KCNAB1: variants seen among roughly 807,000 people sequenced by gnomAD.
KCNAB1 encodes voltage-gated potassium channel subunit beta-1.
A neutral mutation model predicts 64.6 loss-of-function variants in KCNAB1; 35 were observed. That is an observed-to-expected ratio of 0.54 (90% CI 0.41 to 0.72). The LOEUF (loss-of-function observed/expected upper bound fraction) is 0.72, where lower values mean the gene tolerates loss of function less well. Among genes scored for constraint, KCNAB1 ranks in the 30% least tolerant of loss-of-function variants. The pLI, the probability that KCNAB1 is intolerant of heterozygous loss-of-function variation, is 0.00. For synonymous variants in KCNAB1, 177 were observed against 183.8 expected, an observed-to-expected ratio of 0.96 and a Z score of 0.30; for missense variants, 401 against 512.9, an observed-to-expected ratio of 0.78 and a Z score of 2.11.
At position 156,170,273 on chromosome 3, in the gene KCNAB1, C is replaced by T. The variant is rs138996072; in HGVS notation, c.275+49387C>T. On this transcript the variant is annotated intron_variant, in intron 1 of 13. Coordinates refer to ENST00000490337, the MANE Select transcript of KCNAB1 (RefSeq NM_172160.3). ...ACATTTCCCTGAAAATGTGGCTTTA[C>T]CTATTCTTATGGTTTTATGAAGTCA... is the stretch of plus-strand genomic sequence containing the variant. 6.3e-5 allele frequency among the ~76,000 whole-genome samples: 9 copies of T among 143,538 alleles called. No individual in the cohort carries two copies. In the South Asian group the frequency reaches 1.3e-3, roughly 20 times the overall value. The allele number at this position is 143,538 out of a possible 152,430, so 94.2% of individuals were successfully genotyped here.
chr3:156,492,197 G>T (rs1161177682), intron 8 of KCNAB1, among the ~76,000 whole-genome samples: 1 of 152,028 alleles, frequency 6.6e-6, no homozygotes, highest in Admixed American at 6.6e-5. Flanking sequence ...TGAATTGAGC[G>T]TTTCTTTCTT....
chr3:156,443,767 C>CAT lies in KCNAB1; in HGVS notation c.320-9131_320-9130insTA, dbSNP rs551944251. Among the ~76,000 whole-genome samples the CAT allele has an allele frequency of 7.5e-3, 1,139 of 151,618 alleles. 17 individuals carry two copies. Among genetic ancestry groups the CAT allele is most frequent in the African/African-American group, 0.027 (1,096 of 41,134 alleles). On this transcript the variant is annotated intron_variant, in intron 2 of 13. Coordinates refer to ENST00000490337, the MANE Select transcript of KCNAB1 (RefSeq NM_172160.3). ...ACACACACACACACACACACACACACACACACACACACACTATTCTTTACT... is the reference window on the plus strand; with the variant it reads ...ACACACACACACACACACACACACACATACACACACACACACTATTCTTTACT...
intron 8 of KCNAB1, among the ~76,000 whole-genome samples, chr3:156,476,564 T>TACAC (rs71141710): frequency 6.7e-6 from 1 of 149,842 alleles, no homozygotes; most frequent in Non-Finnish European, 1.5e-5. Flanking sequence ...CACACACATA[T>TACAC]ACACACACAC....
At chr3:156,441,370 A>G (rs1393258570) in intron 2 of KCNAB1, 1 of 152,176 alleles carries the variant, frequency 6.6e-6, no homozygotes, top group Non-Finnish European at 1.5e-5. Flanking sequence ...AAGAGGACAC[A>G]TTGACTTTCA....
chr3:156,391,523 A>G (rs986334088), intron 1 of KCNAB1, among the ~76,000 whole-genome samples: 1 of 152,220 alleles, frequency 6.6e-6, no homozygotes, highest in Non-Finnish European at 1.5e-5. Flanking sequence ...CCTAAATTTC[A>G]GGAAAGTGCT....
intron 1 of KCNAB1, among the ~76,000 whole-genome samples, chr3:156,255,505 C>G (rs1309694038): frequency 1.3e-5 from 2 of 152,140 alleles, no homozygotes; most frequent in Non-Finnish European, 2.9e-5. Context: ...GTTTTTCCTG[C>G]TTTGACCCGA....
chr3:156,249,056 T>A (rs191031033), intron 1 of KCNAB1, among the ~76,000 whole-genome samples: 21 of 152,160 alleles, frequency 1.4e-4, no homozygotes, highest in East Asian at 7.7e-4. Context: ...TTAATTTTTT[T>A]ATTTTTTAGC....
chr3:156,302,363 A>G (rs1336397122), intron 1 of KCNAB1, among the ~76,000 whole-genome samples: 1 of 152,172 alleles, frequency 6.6e-6, no homozygotes. Flanking sequence ...GACGTCTTTC[A>G]TGGGCCAGTA....
chr3:156,251,169 G>C (rs1033086690), intron 1 of KCNAB1, among the ~76,000 whole-genome samples: 1 of 152,188 alleles, frequency 6.6e-6, no homozygotes, highest in Non-Finnish European at 1.5e-5. Context: ...GAGAATACTT[G>C]AGTATGCTTG....
intron 1 of KCNAB1, among the ~76,000 whole-genome samples, chr3:156,322,156 G>C (rs909776718): frequency 1.3e-5 from 2 of 152,136 alleles, no homozygotes; most frequent in Non-Finnish European, 2.9e-5. Flanking sequence ...AAACACAAAG[G>C]GCAGATTCTC....
At chr3:156,118,511 T>A (rs115084528), upstream of KCNAB1, among the ~76,000 whole-genome samples, 1 of 152,210 alleles carries the variant, frequency 6.6e-6, no homozygotes, top group Non-Finnish European at 1.5e-5. Context: ...CACCTCTCAA[T>A]GACAGGAGTG....
chr3:156,421,179 A>T (rs1715442905), intron 1 of KCNAB1, among the ~76,000 whole-genome samples: 1 of 152,216 alleles, frequency 6.6e-6, no homozygotes, highest in Admixed American at 6.5e-5. Flanking sequence ...ATTCAACACA[A>T]ATCAGAACTG....
chr3:156,288,084 T>C (rs1417697163), intron 1 of KCNAB1, among the ~76,000 whole-genome samples: 2 of 152,206 alleles, frequency 1.3e-5, no homozygotes, highest in Non-Finnish European at 2.9e-5. Context: ...TCAAGGTACT[T>C]GCAGCATTGG....
chr3:156,321,503 A>G (rs894375715), intron 1 of KCNAB1, among the ~76,000 whole-genome samples: 1 of 152,218 alleles, frequency 6.6e-6, no homozygotes, highest in African/African-American at 2.4e-5. Context: ...CACAAACAGC[A>G]CTGCTCTAGC....
intron 1 of KCNAB1, among the ~76,000 whole-genome samples, chr3:156,326,430 C>T (rs1274412615): frequency 6.6e-6 from 1 of 152,038 alleles, no homozygotes; most frequent in East Asian, 1.9e-4. Flanking sequence ...AGGGAGGTGC[C>T]CACTCTGATC....
intron 1 of KCNAB1, among the ~76,000 whole-genome samples, chr3:156,150,804 T>A (rs1715360255): frequency 6.6e-6 from 1 of 152,118 alleles, no homozygotes; most frequent in Non-Finnish European, 1.5e-5. Context: ...TGGGAAATTT[T>A]ATATAGTGAG....
At chr3:156,474,708 G>A in intron 7 of KCNAB1, 26 bp from the exon 8 acceptor site, 1 of 1,567,260 alleles carries the variant, frequency 6.4e-7, no homozygotes, top group Non-Finnish European at 8.8e-7. Flanking sequence ...TAGATTTTGG[G>A]GTTTGTTTCC....
chr3:156,479,975 A>G (rs1714670943), intron 8 of KCNAB1, among the ~76,000 whole-genome samples: 1 of 152,112 alleles, frequency 6.6e-6, no homozygotes, highest in Non-Finnish European at 1.5e-5. Flanking sequence ...ATATTCAGGG[A>G]TTCAGGATAT....
intron 12 of KCNAB1, among the ~76,000 whole-genome samples, chr3:156,530,789 G>A (rs1175573135): frequency 6.6e-6 from 1 of 152,168 alleles, no homozygotes; most frequent in Non-Finnish European, 1.5e-5. Flanking sequence ...CAAGGAACCA[G>A]AAACCTAGAG....
Sources: gnomAD v4.1 joint callset for allele counts (sites outside exome capture counted in the v4.1 genomes callset) on GRCh38, gnomAD v4.1.1 for gene constraint, MANE v1.5 for transcripts, NCBI Gene and HGNC (gene_info 2026-07-23, HGNC 2026-07-21) for gene names.